The following COL2A1 variants were observed in gnomAD, a reference collection of about 807,000 sequenced individuals.
COL2A1 encodes collagen type II alpha 1 chain.
COL2A1 carries 28 observed loss-of-function variants against 204.5 expected under a neutral mutation model. The ratio of observed to expected loss-of-function variants is 0.14; its 90% CI spans 0.10 to 0.19. The LOEUF (loss-of-function observed/expected upper bound fraction) is 0.19. COL2A1 is among the 10% of genes least tolerant of loss of function. The pLI is 1.00. For synonymous variants in COL2A1, 708 were observed against 718.7 expected (o/e 0.99, Z 0.24); for missense variants, 1,388 against 2,027.5 (o/e 0.68, Z 6.06).
intron 53 of COL2A1, 60 bp from the exon 54 acceptor site, chr12:47,973,613 T>G: frequency 6.2e-7 from 1 of 1,602,958 alleles, no homozygotes. Context: ...CAGTTCCAGC[T>G]GCCCAGAAGC....
chr12:47,976,365 A>AG lies in COL2A1; in HGVS notation c.3489+148dup, dbSNP rs2136515930. ...TGGCCTCAGGCGCTTTTCTGGCCAT[A>AG]GGCACATGAGCCAGTCCTGCCCCCA... On this transcript the variant is annotated intron_variant, in intron 49 of 53. Coordinates refer to ENST00000380518, the MANE Select transcript of COL2A1 (RefSeq NM_001844.5). This position sits in a 1 kb window ranked among gnomAD's most constrained non-coding sequence, Gnocchi z 4.3. 1 of 881,258 alleles carries AG rather than the reference A, an allele frequency of 1.1e-6. No homozygotes were observed. Among genetic ancestry groups the AG allele is most frequent in the Non-Finnish European group, 1.9e-6 (1 of 537,860 alleles). 54.6% of individuals were successfully genotyped at this position (881,258 alleles called of 1,614,324 possible).
Position 47,974,045 on chromosome 12 carries a change from C to T in COL2A1, c.4317+44G>A, listed in dbSNP as rs549717580. ...GGCCAACCCTCAGCCCTGCTCCAGG[C>T]GGTTTGGGCACAGGCAGCTCTTCTC... On this transcript the variant is annotated intron_variant, in intron 53 of 53. Coordinates refer to ENST00000380518, the MANE Select transcript of COL2A1 (RefSeq NM_001844.5). 5.0e-5 allele frequency: 81 copies of T among 1,613,910 alleles called. No homozygotes were observed. The Admixed American group carries it at 9.3e-4, about 19-fold the overall frequency.
chr12:47,983,798 A>C, intron 29 of COL2A1, 62 bp from the exon 30 acceptor site: 2 of 1,525,624 alleles, frequency 1.3e-6, no homozygotes, highest in South Asian at 2.4e-5. Flanking sequence ...AGCCACAGCT[A>C]GTAGGGCCCA....
At chr12:47,979,675 A>T in intron 40 of COL2A1, 111 bp from the exon 41 acceptor site, 1 of 923,936 alleles carries the variant, frequency 1.1e-6, no homozygotes, top group Non-Finnish European at 1.7e-6. Context: ...AGGGCGAGGG[A>T]CTGCAAAGCA....
rs41272029 is a variant in COL2A1 at position 47,980,015 on chromosome 12, G to C, written c.2673C>G (p.Gly891=). Residue 891 remains glycine, a synonymous_variant, in exon 40 of 54, where the codon GGC becomes GGG. Transcript: ENST00000380518. This position sits in a 1 kb window ranked among gnomAD's most constrained non-coding sequence, Gnocchi z 4.5. ...TGPKGARGAQ[G]PPGATGFPGA... ...TGTCAGAGGCCTCACTCACCGGGGGGCCTTGGGCACCTCGGGCTCCTTTAG... is the reference window on the plus strand; with the variant it reads ...TGTCAGAGGCCTCACTCACCGGGGGCCCTTGGGCACCTCGGGCTCCTTTAG... 0.018 allele frequency: 27,548 copies of C among 1,554,866 alleles called. 624 individuals carry two copies. The highest frequency in any genetic ancestry group is 0.14 in the East Asian group (5,589 of 41,148).
intron 50 of COL2A1, 60 bp downstream of exon 50, chr12:47,975,903 G>C: frequency 7.5e-7 from 1 of 1,325,466 alleles, no homozygotes; most frequent in Non-Finnish European, 1.1e-6. Flanking sequence ...GCAAAAAAGA[G>C]CTCAAGCCTC....
Position 47,995,550 on chromosome 12 carries a change from C to G in COL2A1, c.708+160G>C, listed in dbSNP as rs1793960. ...GTCCTTGCCACATTGGGCTGTCTGTCAGAGTTCCTCCACAGCTAGGAAGTG... is the reference window on the plus strand; with the variant it reads ...GTCCTTGCCACATTGGGCTGTCTGTGAGAGTTCCTCCACAGCTAGGAAGTG... On this transcript the variant is annotated intron_variant, in intron 10 of 53. Coordinates refer to ENST00000380518, the MANE Select transcript of COL2A1 (RefSeq NM_001844.5). Among the ~76,000 whole-genome samples, 23,677 of 152,106 alleles carry G rather than the reference C, an allele frequency of 0.16. 1,939 individuals carry two copies. The highest frequency in any genetic ancestry group is 0.21 in the Middle Eastern group (62 of 294).
At chr12:47,990,929 T>C (rs1035885287) in intron 16 of COL2A1, among the ~76,000 whole-genome samples, 10 of 152,208 alleles carry the variant, frequency 6.6e-5, no homozygotes, top group African/African-American at 2.4e-4. Context: ...GAGTCCTGCC[T>C]GTCAGTCTCT....
rs573313146 is a variant in COL2A1, at chr12:47,977,739, GC to G, written c.3112-87del. 1,926 of 1,426,920 alleles carry G rather than the reference GC, an allele frequency of 1.3e-3. 29 individuals are homozygous for G. Among genetic ancestry groups the G allele is most frequent in the Middle Eastern group, 5.2e-4 (3 of 5,730 alleles). The allele number at this position is 1,426,920 out of a possible 1,614,324, so 88.4% of individuals were successfully genotyped here. On this transcript the variant is annotated intron_variant, in intron 44 of 53. Transcript: ENST00000380518. ...CCCCCAGCCCCTCTCAGAAGCCCAG[GC>G]CTCTCCTCTTCTGCCCAACTCACTC... is the stretch of plus-strand genomic sequence containing the variant.
chr12:47,983,242 G>T, intron 31 of COL2A1, 105 bp from the exon 32 acceptor site: 1 of 1,496,788 alleles, frequency 6.7e-7, no homozygotes, highest in Non-Finnish European at 9.2e-7. Context: ...GGGGGATTGT[G>T]TCATCTGTGG....
intron 40 of COL2A1, 25 bp from the exon 41 acceptor site, chr12:47,979,589 G>C (rs756040886): frequency 5.0e-5 from 73 of 1,466,868 alleles, no homozygotes; most frequent in Non-Finnish European, 6.6e-5. Flanking sequence ...GAGAGCCCCT[G>C]AGAACCTCAA....
At chr12:47,989,843 C>G (rs377406805) in intron 16 of COL2A1, 38 bp from the exon 17 acceptor site, 1 of 1,603,288 alleles carries the variant, frequency 6.2e-7, no homozygotes, top group Non-Finnish European at 8.5e-7. Flanking sequence ...GAGGTGCCCA[C>G]AGGCCCTGTC....
In COL2A1 at chr12:47,998,194, T is replaced by C; in HGVS notation, c.317A>G (p.Lys106Arg). The C allele has an allele frequency of 1.2e-6, 2 of 1,614,136 alleles. No homozygotes were observed. Among genetic ancestry groups the C allele is most frequent in the Non-Finnish European group, 1.7e-6 (2 of 1,180,016 alleles). ...ASGQPGPKGQ[K>R]GEPGDIKDIV... Reference sequence around the variant, plus strand: ...ATCCTTGATGTCTCCAGGTTCTCCTTTCTGTCCCTGAAACATGAAACATTC... The same window carrying C: ...ATCCTTGATGTCTCCAGGTTCTCCTCTCTGTCCCTGAAACATGAAACATTC... Residue 106 changes from lysine to arginine, a missense_variant, in exon 4 of 54, where the codon AAA becomes AGA. Around this residue, in one of 3 missense-constraint regions of COL2A1, gnomAD observed 201 missense variants for 242.4 expected, o/e 0.83. Transcript: ENST00000380518.
intron 5 of COL2A1, 51 bp from the exon 6 acceptor site, chr12:47,997,975 T>A: frequency 6.2e-7 from 1 of 1,614,092 alleles, no homozygotes; most frequent in South Asian, 1.1e-5. Context: ...AGCCTGCAGA[T>A]CAGTAACTTG....
In COL2A1 at chr12:47,986,420, G is replaced by T. The variant is rs765319566; in HGVS notation, c.1443C>A (p.Ala481=). 9.0e-6 allele frequency: 14 copies of T among 1,559,856 alleles called. No homozygotes were observed. In the South Asian group the frequency reaches 1.7e-4, roughly 18 times the overall value. ...TGCCTTCTTCACCAGCGGGTCCAGG[G>T]GCTCCCTGGGGGCCAGCAGGGCCCT... ...GEPGPAGPQG[A]PGPAGEEGKR... is the part of the protein sequence containing the mutation. Residue 481 remains alanine (A), a synonymous_variant, in exon 23 of 54, where the codon GCC becomes GCA. Coordinates refer to ENST00000380518, the MANE Select transcript of COL2A1 (RefSeq NM_001844.5).
At position 47,987,494 on chromosome 12, in the gene COL2A1, G is replaced by T; in HGVS notation, c.1221+117C>A. 9.2e-7 allele frequency: 1 copy of T among 1,084,256 alleles called. No individual in the cohort carries two copies. Among genetic ancestry groups the T allele is most frequent in the South Asian group, 1.3e-5 (1 of 75,292 alleles). 67.2% of individuals were successfully genotyped at this position (1,084,256 alleles called of 1,614,324 possible). The stretch of plus-strand genomic sequence containing the variant: ...ACATCTAGAGGTGGGGACAGGCATT[G>T]GGCCAGAATGAAGGTTTGGTGGTTG... On this transcript the variant is annotated intron_variant, in intron 19 of 53. Coordinates refer to ENST00000380518, the MANE Select transcript of COL2A1 (RefSeq NM_001844.5). The surrounding 1 kb of genome is among the most constrained non-coding windows in gnomAD (Gnocchi z 4.1).
chr12:47,989,376 A>G, intron 17 of COL2A1, 95 bp from the exon 18 acceptor site: 1 of 1,001,636 alleles, frequency 1.0e-6, no homozygotes, highest in Non-Finnish European at 1.6e-6. Flanking sequence ...CCTCCTCTGT[A>G]CTGATTTCAC....
Position 47,978,015 on chromosome 12 carries a change from G to A in COL2A1, c.3106C>T (p.Arg1036Ter), listed in dbSNP as rs748459670. 6.2e-7 allele frequency: 1 copy of A among 1,613,274 alleles called. No individual in the cohort carries two copies. The highest frequency in any genetic ancestry group is 8.5e-7 in the Non-Finnish European group (1 of 1,179,794). The change falls in exon 44 of 54, where the codon CGA becomes TGA. Residue 1036 changes from arginine (R) to a stop codon, truncating the protein, a stop_gained. Transcript: ENST00000380518. LOFTEE classifies it high-confidence loss of function. This position sits in a 1 kb window ranked among gnomAD's most constrained non-coding sequence, Gnocchi z 5.5. ...GLTGPAGEPG[R>*]EGSPGADGPP... ...CAGGGGGTCTCACTGCTCACCTCTCGTCCAGGTTCACCTGCAGGACCCGTC... is the reference window on the plus strand; with the variant it reads ...CAGGGGGTCTCACTGCTCACCTCTCATCCAGGTTCACCTGCAGGACCCGTC...
intron 18 of COL2A1, 72 bp downstream of exon 18, chr12:47,989,156 T>C: frequency 7.6e-7 from 1 of 1,318,320 alleles, no homozygotes; most frequent in African/African-American, 1.4e-5. Flanking sequence ...GAGGGAGCAA[T>C]GAGCAAGGGT....
Sources: gnomAD v4.1 joint callset for allele counts (sites outside exome capture counted in the v4.1 genomes callset) on GRCh38, gnomAD v4.1.1 for gene constraint, gnomAD v4.1.1 regional missense constraint, Gnocchi (gnomAD v3.1) non-coding constraint, MANE v1.5 for transcripts, NCBI Gene and HGNC (gene_info 2026-07-23, HGNC 2026-07-21) for gene names.